The following PRDM7 variants were observed in gnomAD, a reference collection of about 807,000 sequenced individuals.
The protein encoded by PRDM7 is PR/SET domain 7.
In PRDM7, 52 loss-of-function variants were observed where a neutral mutation model predicts 64.3. That is an observed-to-expected ratio of 0.81 (90% confidence interval 0.65 to 1.02). The LOEUF is 1.02. PRDM7 is among the 50% of genes least tolerant of loss of function. The pLI, the probability that PRDM7 is intolerant of heterozygous loss-of-function variation, is 0.00. For synonymous variants in PRDM7, 192 were observed against 210.1 expected, an observed-to-expected ratio of 0.91 and a Z score of 0.74; for missense variants, 574 against 597.1, an observed-to-expected ratio of 0.96 and a Z score of 0.40.
intron 1 of PRDM7, among the ~76,000 whole-genome samples, chr16:90,076,843 G>T (rs866932122): frequency 4.6e-5 from 7 of 152,010 alleles, no homozygotes; most frequent in South Asian, 4.1e-4. Flanking sequence ...TGACACTGAG[G>T]TTATTTGGTC....
In PRDM7 at chr16:90,075,329, T is replaced by G; in HGVS notation, c.193+22A>C. On this transcript the variant is annotated intron_variant, in intron 3 of 10. Transcript: ENST00000449207. The surrounding 1 kb of genome is among the most constrained non-coding windows in gnomAD (Gnocchi z 4.3). ...CTGTTTTATATCGCCCAGGCTGGTC[T>G]GTGCCCAGCACTTCCTGTTACCTAC... 6.2e-7 allele frequency: 1 copy of G among 1,614,236 alleles called. No homozygotes were observed. The highest frequency in any genetic ancestry group is 8.5e-7 in the Non-Finnish European group (1 of 1,180,026).
chr16:90,075,736 C>T lies in PRDM7; in HGVS notation c.69+106G>A. The T allele has an allele frequency of 7.0e-7, 1 of 1,436,128 alleles. No homozygotes were observed. The highest frequency in any genetic ancestry group is 9.6e-7 in the Non-Finnish European group (1 of 1,039,288). 89.0% of individuals were successfully genotyped at this position (1,436,128 alleles called of 1,614,324 possible). A position where few individuals can be genotyped will look rare whatever the true frequency, so the allele number is the denominator to read the frequency against. On this transcript the variant is annotated intron_variant, in intron 2 of 10. Coordinates refer to ENST00000449207, the MANE Select transcript of PRDM7 (RefSeq NM_001098173.2). This position sits in a 1 kb window ranked among gnomAD's most constrained non-coding sequence, Gnocchi z 4.3. Reference sequence around the variant, plus strand: ...CTGGCCAGGACCAGCTGCCCCCATTCCATGCACATTCAGACAGAGTCACCC... The same window carrying T: ...CTGGCCAGGACCAGCTGCCCCCATTTCATGCACATTCAGACAGAGTCACCC...
Position 90,062,140 on chromosome 16 carries a change from G to A in PRDM7, c.663C>T (p.Pro221=). The change falls in exon 8 of 11, where the codon CCC becomes CCT. Residue 221 remains proline (P), a synonymous_variant. Coordinates refer to ENST00000449207, the MANE Select transcript of PRDM7 (RefSeq NM_001098173.2). ...FFIDSCAAHG[P]PTFVKDSAVD... ...CTGCACTGTCCTTTACAAATGTAGG[G>A]GGCCCATGAGCAGCACAGCTGTCAA... The A allele has an allele frequency of 6.2e-7, 1 of 1,614,254 alleles. No homozygotes were observed.
At chr16:90,074,531 C>G (rs111515051) in intron 4 of PRDM7, among the ~76,000 whole-genome samples, 4,328 of 151,280 alleles carry the variant, frequency 0.029, 155 homozygotes, top group African/African-American at 0.077. Flanking sequence ...AGCCGAGATT[C>G]TACCACTGTA....
chr16:90,068,227 C>T (rs1417480423), intron 4 of PRDM7, among the ~76,000 whole-genome samples: 3 of 150,216 alleles, frequency 2.0e-5, no homozygotes, highest in South Asian at 2.1e-4. Flanking sequence ...TGCAGTGAAC[C>T]GAGATCATGC....
chr16:90,070,808 A>G (rs2037945867), intron 4 of PRDM7, among the ~76,000 whole-genome samples: 1 of 152,204 alleles, frequency 6.6e-6, no homozygotes, highest in Non-Finnish European at 1.5e-5. Flanking sequence ...TGTTTAAGCC[A>G]CTCAATGTGT....
Position 90,076,013 on chromosome 16 carries a change from GC to G in PRDM7, c.-85-19del, listed in dbSNP as rs1357329897. 7.5e-7 allele frequency: 1 copy of G among 1,335,162 alleles called. No homozygotes were observed. Among genetic ancestry groups the G allele is most frequent in the East Asian group, 2.5e-5 (1 of 40,068 alleles). The allele number at this position is 1,335,162 out of a possible 1,614,324, so 82.7% of individuals were successfully genotyped here. A position where few individuals can be genotyped will look rare whatever the true frequency, so the allele number is the denominator to read the frequency against. ...AAAGGCTCCTGTGGAAGGAGAAGGTGCTGAGATGGGGCAACAGCCCTGAGCA... is the reference window on the plus strand; with the variant it reads ...AAAGGCTCCTGTGGAAGGAGAAGGTGTGAGATGGGGCAACAGCCCTGAGCA... On this transcript the variant is annotated intron_variant, in intron 1 of 10. Transcript: ENST00000449207.
chr16:90,074,328 G>A lies in PRDM7; in HGVS notation c.301+588C>T, dbSNP rs184094628. ...CATCATCATCATCATCATCATCCCA[G>A]CATTTTGGGAGGCCAAGGCAGGCGG... On this transcript the variant is annotated intron_variant, in intron 4 of 10. Transcript: ENST00000449207. Among the ~76,000 whole-genome samples the A allele has an allele frequency of 6.1e-3, 892 of 145,876 alleles. 10 individuals are homozygous for A. Among genetic ancestry groups the A allele is most frequent in the African/African-American group, 0.021 (823 of 39,698 alleles).
chr16:90,069,791 T>C (rs570221544), intron 4 of PRDM7, among the ~76,000 whole-genome samples: 36 of 151,112 alleles, frequency 2.4e-4, no homozygotes, highest in Admixed American at 7.9e-4. Flanking sequence ...CTGTGGCTCA[T>C]GGGTGTAATC....
intron 4 of PRDM7, among the ~76,000 whole-genome samples, chr16:90,074,213 T>A (rs2038001258): frequency 6.6e-6 from 1 of 151,920 alleles, no homozygotes; most frequent in African/African-American, 2.4e-5. Flanking sequence ...TGAGTTATGA[T>A]TGTGCCACTG....
At chr16:90,072,216 G>T (rs1378125633) in intron 4 of PRDM7, among the ~76,000 whole-genome samples, 1 of 148,244 alleles carries the variant, frequency 6.7e-6, no homozygotes, top group African/African-American at 2.5e-5. Flanking sequence ...GGGCGACAGA[G>T]CGAGACTCCA....
chr16:90,064,262 G>A (rs1456937441), intron 5 of PRDM7, among the ~76,000 whole-genome samples: 1 of 152,214 alleles, frequency 6.6e-6, no homozygotes, highest in East Asian at 1.9e-4. Flanking sequence ...AAAGTTGCAT[G>A]TTGCCATATC....
In PRDM7 at chr16:90,062,513, G is replaced by C. The variant is rs1240007308; in HGVS notation, c.509-11C>G. The stretch of plus-strand genomic sequence containing the variant: ...CCTTCCTCCTGAGTTCTAGGTTGGA[G>C]AAGAGTAGATGGGTAAAATTGGGAG... On this transcript the variant is annotated splice_polypyrimidine_tract_variant and intron_variant, in intron 6 of 10. Coordinates refer to ENST00000449207, the MANE Select transcript of PRDM7 (RefSeq NM_001098173.2). 6.2e-7 allele frequency: 1 copy of C among 1,605,080 alleles called. No homozygotes were observed.
chr16:90,062,770 T>G (rs1370199218), intron 6 of PRDM7, among the ~76,000 whole-genome samples: 1 of 152,210 alleles, frequency 6.6e-6, no homozygotes, highest in African/African-American at 2.4e-5. Context: ...TGCATTTATT[T>G]ATTCAGAAAA....
intron 6 of PRDM7, 95 bp downstream of exon 6, chr16:90,063,514 CCAG>C: frequency 7.3e-7 from 1 of 1,378,396 alleles, no homozygotes; most frequent in East Asian, 2.3e-5. Context: ...CAGCTTAAGC[CCAG>C]GCCTATCCAA....
rs1277509272 is a variant in PRDM7, at chr16:90,063,692, C to T, written c.428G>A (p.Ser143Asn). ...LSGTPNLLNT[S>N]DSEQAQKPVS... ...TGGTTTCTGAGCCTGCTCTGAGTCA[C>T]TTGTATTCAGTAAATTTGGCGTTCC... The change falls in exon 6 of 11, where the codon AGT becomes AAT. Residue 143 changes from serine to asparagine, a missense_variant. Ser to Asn is a conservative substitution (Grantham distance 46). Coordinates refer to ENST00000449207, the MANE Select transcript of PRDM7 (RefSeq NM_001098173.2). 6.2e-7 allele frequency: 1 copy of T among 1,614,172 alleles called. No homozygotes were observed. Among genetic ancestry groups the T allele is most frequent in the South Asian group, 1.1e-5 (1 of 91,084 alleles).
intron 4 of PRDM7, among the ~76,000 whole-genome samples, chr16:90,073,438 C>T (rs1457687995): frequency 2.0e-5 from 3 of 148,358 alleles, no homozygotes; most frequent in Non-Finnish European, 3.0e-5. Context: ...CTCGCTCTGT[C>T]GCCCAGGCCG....
intron 4 of PRDM7, among the ~76,000 whole-genome samples, chr16:90,068,826 A>G (rs2037916750): frequency 1.3e-5 from 2 of 151,218 alleles, no homozygotes; most frequent in East Asian, 1.9e-4. Flanking sequence ...AAACTTGAAC[A>G]CTGAAAACTA....
chr16:90,057,966 T>G lies in PRDM7; in HGVS notation c.*323A>C. 6.2e-7 allele frequency: 1 copy of G among 1,603,206 alleles called. No individual in the cohort carries two copies. Among genetic ancestry groups the G allele is most frequent in the Non-Finnish European group, 8.5e-7 (1 of 1,172,830 alleles). ...TAAGGCTTCTCCCCTGTGTGTGTCCTCTGGTGACTGAGGAGGTCTGACTTC... is the reference window on the plus strand; with the variant it reads ...TAAGGCTTCTCCCCTGTGTGTGTCCGCTGGTGACTGAGGAGGTCTGACTTC... On this transcript the variant is annotated 3_prime_UTR_variant, in exon 11 of 11. Coordinates refer to ENST00000449207, the MANE Select transcript of PRDM7 (RefSeq NM_001098173.2).
Sources: gnomAD v4.1 joint callset for allele counts (sites outside exome capture counted in the v4.1 genomes callset) on GRCh38, gnomAD v4.1.1 for gene constraint, Gnocchi (gnomAD v3.1) non-coding constraint, MANE v1.5 for transcripts, NCBI Gene and HGNC (gene_info 2026-07-23, HGNC 2026-07-21) for gene names.